The following LONP2 variants were observed in gnomAD, a reference collection of about 807,000 sequenced individuals.
LONP2 encodes the protein lon peptidase 2, peroxisomal.
LONP2 carries 60 observed loss-of-function variants against 85.6 expected under a neutral mutation model. That is an observed-to-expected ratio of 0.70 (90% CI 0.57 to 0.87). The LOEUF (loss-of-function observed/expected upper bound fraction) is 0.87. Among genes scored for constraint, LONP2 ranks in the 40% least tolerant of loss-of-function variants. The probability of loss-of-function intolerance (pLI) is 0.00; values close to 1 mark genes in which losing one functional copy is unlikely to be tolerated. For missense variants in LONP2, 860 were observed against 1,063.5 expected (o/e 0.81, Z 2.66); for synonymous variants, 395 against 389.7 (o/e 1.01, Z -0.16).
At chr16:48,346,673 C>T (rs911258306) in intron 12 of LONP2, among the ~76,000 whole-genome samples, 2 of 152,080 alleles carry the variant, frequency 1.3e-5, no homozygotes, top group African/African-American at 2.4e-5. Context: ...TGGTCTCTAT[C>T]GAACTCCTGG....
intron 10 of LONP2, 54 bp downstream of exon 10, chr16:48,299,842 C>T: frequency 6.4e-7 from 1 of 1,558,416 alleles, no homozygotes; most frequent in Non-Finnish European, 8.7e-7. Flanking sequence ...TGAGTATTTA[C>T]TGAGTTACCA....
At chr16:48,257,988 G>A (rs1186324521) in intron 3 of LONP2, among the ~76,000 whole-genome samples, 2 of 152,200 alleles carry the variant, frequency 1.3e-5, no homozygotes, top group East Asian at 1.9e-4. Flanking sequence ...CACATTCTGG[G>A]CTTCAAGAGA....
At position 48,334,255 on chromosome 16, in the gene LONP2, C is replaced by T; in HGVS notation, c.1835C>T (p.Ser612Phe). 6.2e-7 allele frequency: 1 copy of T among 1,613,928 alleles called. No homozygotes were observed. Among genetic ancestry groups the T allele is most frequent in the East Asian group, 2.2e-5 (1 of 44,884 alleles). The stretch of plus-strand genomic sequence containing the variant: ...ATCTTAGAAGATGAAAAACCTGAAT[C>T]TATCAGTGACACTACTGACTTGGCT... The part of the protein sequence containing the change: ...EHILEDEKPE[S>F]ISDTTDLALP... Residue 612 changes from serine (S) to phenylalanine (F), a missense_variant, in exon 12 of 15, where the codon TCT becomes TTT. Coordinates refer to ENST00000285737, the MANE Select transcript of LONP2 (RefSeq NM_031490.5).
At chr16:48,348,777 AG>A (rs1262177293) in intron 14 of LONP2, among the ~76,000 whole-genome samples, 2 of 152,150 alleles carry the variant, frequency 1.3e-5, no homozygotes, top group African/African-American at 4.8e-5. Flanking sequence ...TACAGGCGTG[AG>A]CCACCACATT....
intron 11 of LONP2, among the ~76,000 whole-genome samples, chr16:48,331,640 C>T (rs1227402935): frequency 6.6e-6 from 1 of 151,708 alleles, no homozygotes; most frequent in Non-Finnish European, 1.5e-5. Flanking sequence ...TCTCCGCTCA[C>T]TGCAAGCTCT....
intron 8 of LONP2, among the ~76,000 whole-genome samples, chr16:48,289,913 T>C (rs900436963): frequency 1.3e-5 from 2 of 152,184 alleles, no homozygotes; most frequent in Non-Finnish European, 2.9e-5. Context: ...TTATATATAT[T>C]ACATATATTT....
chr16:48,278,024 CTTGTTTTTTTG>C (rs201052877), intron 8 of LONP2, among the ~76,000 whole-genome samples: 2,069 of 150,828 alleles, frequency 0.014, 47 homozygotes, highest in African/African-American at 0.048. Context: ...GAATTTTTTT[CTTGTTTTTTTG>C]TTGTTTTTTT....
In LONP2 at chr16:48,269,748, A is replaced by G. The variant is rs79500535; in HGVS notation, c.983-268A>G. Among the ~76,000 whole-genome samples, 667 of 152,276 alleles carry G rather than the reference A, an allele frequency of 4.4e-3. 7 individuals are homozygous for G. Among genetic ancestry groups the G allele is most frequent in the African/African-American group, 0.015 (637 of 41,556 alleles). On this transcript the variant is annotated intron_variant, in intron 6 of 14. Coordinates refer to ENST00000285737, the MANE Select transcript of LONP2 (RefSeq NM_031490.5). ...TACAATATGTAGAAATTAAGAAGTAATGCATAACTAGAAAATCATTCCAAA... is the reference window on the plus strand; with the variant it reads ...TACAATATGTAGAAATTAAGAAGTAGTGCATAACTAGAAAATCATTCCAAA...
chr16:48,286,893 G>A (rs1230166085), intron 8 of LONP2, among the ~76,000 whole-genome samples: 1 of 151,774 alleles, frequency 6.6e-6, no homozygotes, highest in Non-Finnish European at 1.5e-5. Context: ...TATTTAGAGT[G>A]TTATATTTAT....
chr16:48,296,704 CAG>C (rs1972679389), intron 9 of LONP2, among the ~76,000 whole-genome samples: 2 of 124,322 alleles, frequency 1.6e-5, no homozygotes, highest in Non-Finnish European at 1.6e-5. Context: ...GCCTGGGTGA[CAG>C]AGTGAAACTC....
chr16:48,317,077 C>T (rs772676950), intron 11 of LONP2, among the ~76,000 whole-genome samples: 4 of 152,012 alleles, frequency 2.6e-5, no homozygotes, highest in Admixed American at 1.3e-4. Flanking sequence ...TGTGGTACTC[C>T]CAGGATGTAG....
At chr16:48,262,894 G>C (rs1203096000) in intron 6 of LONP2, 22 bp downstream of exon 6, 1 of 1,468,928 alleles carries the variant, frequency 6.8e-7, no homozygotes, top group African/African-American at 1.4e-5. Flanking sequence ...AATAACACCT[G>C]TTTTGCAGTC....
chr16:48,275,293 A>G (rs1817817161), intron 7 of LONP2, among the ~76,000 whole-genome samples: 1 of 152,168 alleles, frequency 6.6e-6, no homozygotes, highest in African/African-American at 2.4e-5. Context: ...CCAAAATAGT[A>G]TTCAGAGGCT....
intron 11 of LONP2, among the ~76,000 whole-genome samples, chr16:48,333,942 C>G (rs1018474729): frequency 1.3e-5 from 2 of 152,180 alleles, no homozygotes; most frequent in African/African-American, 4.8e-5. Flanking sequence ...AGTTGTTTCC[C>G]TTCTGGAACT....
At chr16:48,348,536 C>T (rs868011124) in intron 14 of LONP2, among the ~76,000 whole-genome samples, 2 of 146,520 alleles carry the variant, frequency 1.4e-5, no homozygotes, top group Non-Finnish European at 1.5e-5. Context: ...ACTCTGTTGC[C>T]CAGGCTGGAG....
At chr16:48,307,179 T>TCC (rs1274815626) in intron 11 of LONP2, among the ~76,000 whole-genome samples, 1 of 152,208 alleles carries the variant, frequency 6.6e-6, no homozygotes, top group East Asian at 1.9e-4. Flanking sequence ...GATCGATCTG[T>TCC]GTTAGCGGAG....
chr16:48,282,702 C>G lies in LONP2; in HGVS notation c.1383+5223C>G, dbSNP rs546070603. 5.3e-5 allele frequency among the ~76,000 whole-genome samples: 8 copies of G among 152,210 alleles called. No individual in the cohort carries two copies. In the South Asian group the frequency reaches 1.7e-3, roughly 32 times the overall value. On this transcript the variant is annotated intron_variant, in intron 8 of 14. Coordinates refer to ENST00000285737, the MANE Select transcript of LONP2 (RefSeq NM_031490.5). ...TAACTGCTCAACTGGCCAGGCATTC[C>G]CCTTTCTCTCTCCCTCTCCTCTGGC...
chr16:48,285,784 T>G (rs962650507), intron 8 of LONP2, among the ~76,000 whole-genome samples: 1 of 152,238 alleles, frequency 6.6e-6, no homozygotes, highest in Non-Finnish European at 1.5e-5. Flanking sequence ...TTAGTTTTTT[T>G]AAATGTTAGT....
At chr16:48,348,338 GA>G in intron 14 of LONP2, 48 bp downstream of exon 14, 7 of 1,199,756 alleles carry the variant, frequency 5.8e-6, no homozygotes, top group Non-Finnish European at 7.7e-6. Flanking sequence ...TTTAATTTTT[GA>G]AAATTAATAT....
Sources: allele counts gnomAD v4.1 joint callset (sites outside exome capture counted in the v4.1 genomes callset), GRCh38; gene constraint gnomAD v4.1.1; transcripts MANE v1.5; gene names NCBI Gene and HGNC (gene_info 2026-07-23, HGNC 2026-07-21).